The following LRBA variants were observed in gnomAD, a reference collection of about 807,000 sequenced individuals.
LRBA encodes LPS responsive beige-like anchor protein.
A neutral mutation model predicts 330.0 loss-of-function variants in LRBA; 176 were observed. The ratio of observed to expected loss-of-function variants is 0.53; its 90% CI spans 0.47 to 0.60. The LOEUF is 0.60. Ranked by LOEUF, LRBA falls within the 20% of genes least tolerant of loss-of-function variation. LRBA has a pLI of 0.00. For missense variants in LRBA, 3,259 were observed against 3,444.8 expected, an observed-to-expected ratio of 0.95 and a Z score of 1.35; for synonymous variants, 1,230 against 1,193.0, an observed-to-expected ratio of 1.03 and a Z score of -0.64.
rs192577788 is a variant in LRBA, at chr4:150,617,390, C to T, written c.5922-18259G>A. On this transcript the variant is annotated intron_variant, in intron 37 of 56. Coordinates refer to ENST00000651943, the MANE Select transcript of LRBA (RefSeq NM_001364905.1). The stretch of plus-strand genomic sequence containing the variant: ...GGACACTGGCCTCACGCCTGTAATC[C>T]CAGCACTTTGGGAGGCCAAGGTGGG... Among the ~76,000 whole-genome samples, 17 of 152,276 alleles carry T rather than the reference C, an allele frequency of 1.1e-4. No individual in the cohort carries two copies. In the East Asian group the frequency reaches 3.3e-3, roughly 29 times the overall value.
At chr4:150,577,026 T>A (rs1456207690) in intron 40 of LRBA, among the ~76,000 whole-genome samples, 1 of 151,940 alleles carries the variant, frequency 6.6e-6, no homozygotes, top group Non-Finnish European at 1.5e-5. Context: ...TAACAGGCAC[T>A]ATGGTGAACT....
At chr4:150,487,617 CA>C in intron 42 of LRBA, 114 bp downstream of exon 42, 1 of 487,958 alleles carries the variant, frequency 2.0e-6, no homozygotes, top group East Asian at 3.3e-5. Flanking sequence ...TTATAAATTT[CA>C]AAATAAGTGA....
chr4:150,307,182 C>T (rs1730463494), intron 52 of LRBA, among the ~76,000 whole-genome samples: 1 of 151,992 alleles, frequency 6.6e-6, no homozygotes, highest in South Asian at 2.1e-4. Flanking sequence ...CAAAGATTGA[C>T]ATGGTTTGTG....
At position 150,828,515 on chromosome 4, in the gene LRBA, G is replaced by A. The variant is rs777919005; in HGVS notation, c.4836C>T (p.Ala1612=). 8 of 1,613,934 alleles carry A rather than the reference G, an allele frequency of 5.0e-6. No homozygotes were observed. In the East Asian group the frequency reaches 8.9e-5, roughly 18 times the overall value. The change falls in exon 30 of 57, where the codon GCC becomes GCT. Residue 1612 remains alanine (A), a synonymous_variant. Coordinates refer to ENST00000651943, the MANE Select transcript of LRBA (RefSeq NM_001364905.1). ...RRDSGIGEET[A]TGLGSHVEVT... is the part of the protein sequence containing the mutation. ...CTTCCACATGGCTTCCTAAACCAGT[G>A]GCTGTTTCTTCCCCAATGCCTGAGT...
chr4:150,379,073 C>T (rs966435290), intron 47 of LRBA, among the ~76,000 whole-genome samples: 6 of 152,002 alleles, frequency 3.9e-5, no homozygotes, highest in African/African-American at 1.2e-4. Flanking sequence ...GAGGCCAAGG[C>T]AGGTGGATCA....
At chr4:150,691,857 AC>A (rs1784169525) in intron 36 of LRBA, among the ~76,000 whole-genome samples, 1 of 152,216 alleles carries the variant, frequency 6.6e-6, no homozygotes, top group African/African-American at 2.4e-5. Flanking sequence ...ATTTAAAAAA[AC>A]AAACCAATAA....
chr4:150,817,569 A>C (rs1744785561), intron 30 of LRBA, among the ~76,000 whole-genome samples: 1 of 151,964 alleles, frequency 6.6e-6, no homozygotes, highest in African/African-American at 2.4e-5. Flanking sequence ...ATTAAAGCAG[A>C]AAATTCAACG....
At chr4:150,747,733 C>G (rs530697230) in intron 35 of LRBA, among the ~76,000 whole-genome samples, 1 of 152,206 alleles carries the variant, frequency 6.6e-6, no homozygotes, top group Non-Finnish European at 1.5e-5. Flanking sequence ...TCATTGCCCA[C>G]TTTGCTACAT....
In LRBA at chr4:150,852,589, C is replaced by T. The variant is rs2126922731; in HGVS notation, c.3121G>A (p.Glu1041Lys). Residue 1041 changes from glutamate (E) to lysine (K), a missense_variant, in exon 23 of 57, where the codon GAG (glutamate) becomes AAG (lysine). Physicochemically the swap from Glu to Lys is moderately conservative, Grantham distance 56. Coordinates refer to ENST00000651943, the MANE Select transcript of LRBA (RefSeq NM_001364905.1). ...EGTLEETLTN[E>K]TRNADDLEVS... is the part of the protein sequence containing the mutation. ...TCTAAATCATCTGCATTCCTTGTCTCATTTGTCAGTGTTTCTTCCAAAGTG... is the reference window on the plus strand; with the variant it reads ...TCTAAATCATCTGCATTCCTTGTCTTATTTGTCAGTGTTTCTTCCAAAGTG... The T allele has an allele frequency of 1.2e-6, 2 of 1,614,022 alleles. No homozygotes were observed. The highest frequency in any genetic ancestry group is 8.5e-7 in the Non-Finnish European group (1 of 1,179,994).
At chr4:150,985,257 CAAA>C (rs1225680637) in intron 2 of LRBA, among the ~76,000 whole-genome samples, 5 of 80,282 alleles carry the variant, frequency 6.2e-5, no homozygotes, top group Non-Finnish European at 9.7e-5. Flanking sequence ...GACTCCATCT[CAAA>C]AAAAAAAAAA....
intron 22 of LRBA, among the ~76,000 whole-genome samples, chr4:150,853,766 T>C (rs1164836506): frequency 2.6e-5 from 4 of 152,216 alleles, no homozygotes; most frequent in African/African-American, 9.6e-5. Context: ...CACCATCATA[T>C]GATTTCCATT....
chr4:150,803,221 AAT>A lies in LRBA; in HGVS notation c.5518+3048_5518+3049del, dbSNP rs553110943. ...AGAAACTATTACTATTATTAGGTGT[AAT>A]AGCAGCATTGTGATTATGTAAGAAA... On this transcript the variant is annotated intron_variant, in intron 33 of 56. Coordinates refer to ENST00000651943, the MANE Select transcript of LRBA (RefSeq NM_001364905.1). 3.7e-4 allele frequency among the ~76,000 whole-genome samples: 56 copies of A among 151,728 alleles called. 1 individual carries two copies. The South Asian group carries it at 0.011, about 29-fold the overall frequency.
chr4:150,646,087 T>A (rs1388516407), intron 37 of LRBA, among the ~76,000 whole-genome samples: 1 of 151,984 alleles, frequency 6.6e-6, no homozygotes. Context: ...TGGCCCATTA[T>A]AGAAAAAGTT....
chr4:150,930,099 G>C (rs1275589600), intron 2 of LRBA, among the ~76,000 whole-genome samples: 3 of 152,136 alleles, frequency 2.0e-5, no homozygotes, highest in African/African-American at 7.2e-5. Context: ...CGGACCACCT[G>C]AGGTCAGGAG....
chr4:150,423,416 T>A (rs532014415), intron 46 of LRBA: 209 of 624,112 alleles, frequency 3.3e-4, no homozygotes, highest in South Asian at 7.4e-4. Context: ...TCTGCGCTTC[T>A]TTTTGTGGAG....
chr4:150,307,454 TA>T (rs1580966631), intron 52 of LRBA, among the ~76,000 whole-genome samples: 1 of 151,496 alleles, frequency 6.6e-6, no homozygotes, highest in Non-Finnish European at 1.5e-5. Flanking sequence ...TTTAATCACT[TA>T]AAAAATATAT....
At chr4:150,931,305 A>G (rs1007267658) in intron 2 of LRBA, among the ~76,000 whole-genome samples, 1 of 151,644 alleles carries the variant, frequency 6.6e-6, no homozygotes, top group Non-Finnish European at 1.5e-5. Context: ...AAAAGATTTA[A>G]AAAAAGGCAT....
chr4:150,880,351 C>A (rs1728223990), intron 17 of LRBA, among the ~76,000 whole-genome samples: 1 of 152,108 alleles, frequency 6.6e-6, no homozygotes, highest in Non-Finnish European at 1.5e-5. Flanking sequence ...GAAACTCTGT[C>A]TCTACAAAAA....
chr4:150,775,665 A>G (rs1329879640), intron 34 of LRBA, among the ~76,000 whole-genome samples: 1 of 152,132 alleles, frequency 6.6e-6, no homozygotes, highest in Non-Finnish European at 1.5e-5. Context: ...AATTGAACCA[A>G]TAAATATCCA....
Sources: allele counts gnomAD v4.1 joint callset (sites outside exome capture counted in the v4.1 genomes callset), GRCh38; gene constraint gnomAD v4.1.1; transcripts MANE v1.5; gene names NCBI Gene and HGNC (gene_info 2026-07-23, HGNC 2026-07-21).